The following ADGRL3 variants were observed in gnomAD, a reference collection of about 807,000 sequenced individuals.
ADGRL3 encodes the protein adhesion G protein-coupled receptor L3.
A neutral mutation model predicts 153.5 loss-of-function variants in ADGRL3; 62 were observed. The observed-to-expected ratio is 0.40, with a 90% CI of 0.33 to 0.50. The LOEUF (loss-of-function observed/expected upper bound fraction) is 0.50, where lower values mean the gene tolerates loss of function less well. Among genes scored for constraint, ADGRL3 ranks in the 20% least tolerant of loss-of-function variants. The pLI, the probability that ADGRL3 is intolerant of heterozygous loss-of-function variation, is 0.47. For missense variants in ADGRL3, 1,641 were observed against 1,859.4 expected (o/e 0.88, Z 2.16); for synonymous variants, 710 against 672.5 (o/e 1.06, Z -0.86).
chr4:61,995,096 G>A (rs1282934123), intron 19 of ADGRL3, among the ~76,000 whole-genome samples: 2 of 151,408 alleles, frequency 1.3e-5, no homozygotes, highest in Admixed American at 6.6e-5. Flanking sequence ...CAGACACAAG[G>A]TTTTGCCATG....
chr4:61,822,906 A>C (rs547542830), intron 9 of ADGRL3, among the ~76,000 whole-genome samples: 7 of 152,278 alleles, frequency 4.6e-5, no homozygotes, highest in African/African-American at 1.7e-4. Context: ...ATTCTTCTTC[A>C]GGTTTGATGT....
chr4:61,628,207 A>G (rs1471553932), intron 5 of ADGRL3, among the ~76,000 whole-genome samples: 1 of 152,188 alleles, frequency 6.6e-6, no homozygotes, highest in Admixed American at 6.5e-5. Flanking sequence ...AAAAAAACTG[A>G]CACAGAGAGG....
intron 2 of ADGRL3, among the ~76,000 whole-genome samples, chr4:61,457,606 C>G (rs1287627662): frequency 6.6e-6 from 1 of 151,828 alleles, no homozygotes; most frequent in Non-Finnish European, 1.5e-5. Context: ...TTTAATCCCT[C>G]CTGACTTGTT....
chr4:61,588,202 A>C (rs1193170786), intron 5 of ADGRL3, among the ~76,000 whole-genome samples: 2 of 151,864 alleles, frequency 1.3e-5, no homozygotes, highest in Non-Finnish European at 2.9e-5. Flanking sequence ...TCATTCCTTT[A>C]GTATAAGCCT....
chr4:61,456,369 ATATATC>A (rs1375825702), intron 2 of ADGRL3, among the ~76,000 whole-genome samples: 3 of 115,824 alleles, frequency 2.6e-5, no homozygotes, highest in South Asian at 2.7e-4. Flanking sequence ...AGAGATATAG[ATATATC>A]TATATATATA....
At chr4:61,342,408 G>T (rs946728251) in intron 1 of ADGRL3, among the ~76,000 whole-genome samples, 16 of 151,982 alleles carry the variant, frequency 1.1e-4, no homozygotes, top group African/African-American at 3.1e-4. Context: ...ACAACTTCAG[G>T]CTATTTCTCT....
At chr4:61,928,177 CAA>C (rs1331558813) in intron 13 of ADGRL3, among the ~76,000 whole-genome samples, 2 of 151,890 alleles carry the variant, frequency 1.3e-5, no homozygotes, top group Non-Finnish European at 2.9e-5. Context: ...GGCCGTTTTT[CAA>C]AAGAGTTTAA....
At position 61,251,482 on chromosome 4, in the gene ADGRL3, GT is replaced by G. The variant is rs1759243937; in HGVS notation, c.-240+49719del. ...GCATCACTTTTGCCACATTCTATTA[GT>G]TGAAGAATTCACAGGCCCTCCCAGA... On this transcript the variant is annotated intron_variant, in intron 1 of 26. Coordinates refer to ENST00000683033, the MANE Select transcript of ADGRL3 (RefSeq NM_001387552.1). 2.0e-5 allele frequency among the ~76,000 whole-genome samples: 3 copies of G among 152,190 alleles called. No individual in the cohort carries two copies. The South Asian group carries it at 6.2e-4, about 32-fold the overall frequency.
At chr4:61,560,651 TA>T (rs1257059376) in intron 4 of ADGRL3, among the ~76,000 whole-genome samples, 12 of 103,778 alleles carry the variant, frequency 1.2e-4, no homozygotes, top group South Asian at 3.1e-4. Flanking sequence ...GGTTTTTATT[TA>T]TTTATTTTTT....
intron 9 of ADGRL3, among the ~76,000 whole-genome samples, chr4:61,827,902 GA>G (rs35056143): frequency 0.56 from 84,703 of 151,722 alleles, 25,278 homozygotes; most frequent in African/African-American, 0.76. Context: ...TATAAAAGAT[GA>G]AAAAAAATAA....
At chr4:61,864,033 C>T (rs985228387) in intron 9 of ADGRL3, among the ~76,000 whole-genome samples, 5 of 152,252 alleles carry the variant, frequency 3.3e-5, no homozygotes, top group Admixed American at 2.6e-4. Context: ...TTTTACATGA[C>T]AGTAGCTAGG....
At chr4:62,020,036 T>C (rs2099230694) in intron 21 of ADGRL3, among the ~76,000 whole-genome samples, 1 of 152,120 alleles carries the variant, frequency 6.6e-6, no homozygotes, top group South Asian at 2.1e-4. Flanking sequence ...TGTTGGAATC[T>C]TTAGTTAGTA....
At chr4:61,747,592 A>C (rs1333268080) in intron 8 of ADGRL3, among the ~76,000 whole-genome samples, 1 of 146,446 alleles carries the variant, frequency 6.8e-6, no homozygotes, top group Non-Finnish European at 1.5e-5. Context: ...TATAAACAGA[A>C]CCAAAGACAA....
chr4:61,960,416 T>A lies in ADGRL3; in HGVS notation c.2805+12140T>A, dbSNP rs2098983281. 3.3e-5 allele frequency among the ~76,000 whole-genome samples: 5 copies of A among 152,022 alleles called. No homozygotes were observed. The South Asian group carries it at 8.3e-4, about 25-fold the overall frequency. On this transcript the variant is annotated intron_variant, in intron 17 of 26. Coordinates refer to ENST00000683033, the MANE Select transcript of ADGRL3 (RefSeq NM_001387552.1). ...AACAGTGTGGTTGGAGTGGAAAAAG[T>A]AAGAGAGAGTATGTTAGCAGAACAG...
In ADGRL3 at chr4:61,848,078, TTA is replaced by T. The variant is rs376943256; in HGVS notation, c.1480+34198_1480+34199del. Among the ~76,000 whole-genome samples, 17 of 20,618 alleles carry T rather than the reference TTA, an allele frequency of 8.2e-4. 1 individual carries two copies. Among genetic ancestry groups the T allele is most frequent in the Non-Finnish European group, 3.6e-3 (16 of 4,440 alleles). The allele number at this position is 20,618 out of a possible 152,430, so 13.5% of individuals were successfully genotyped here. A position where few individuals can be genotyped will look rare whatever the true frequency, so the allele number is the denominator to read the frequency against. On this transcript the variant is annotated intron_variant, in intron 9 of 26. Transcript: ENST00000683033. ...TATTATATATATAATATAAAATATA[TTA>T]TATATATAATATAAAATATATTATA... is the stretch of plus-strand genomic sequence containing the variant.
chr4:61,948,021 T>A, intron 16 of ADGRL3, 79 bp from the exon 17 acceptor site: 1 of 1,165,612 alleles, frequency 8.6e-7, no homozygotes, highest in Middle Eastern at 2.0e-4. Flanking sequence ...GAAGTTGTAT[T>A]ATATGTAAAG....
rs199694037 is a variant in ADGRL3, at chr4:61,418,807, TC to T, written c.-174+35620del. The stretch of plus-strand genomic sequence containing the variant: ...ATTAATTGTGTTAAATGTTCATGCT[TC>T]CATGAGGGCCATTTAAGAAGAGGTA... On this transcript the variant is annotated intron_variant, in intron 2 of 26. Transcript: ENST00000683033. Among the ~76,000 whole-genome samples, 1,148 of 150,812 alleles carry T rather than the reference TC, an allele frequency of 7.6e-3. 74 individuals are homozygous for T. Among genetic ancestry groups the T allele is most frequent in the African/African-American group, 0.027 (1,096 of 40,680 alleles).
intron 9 of ADGRL3, among the ~76,000 whole-genome samples, chr4:61,834,888 TG>T (rs2097914895): frequency 6.6e-6 from 1 of 152,190 alleles, no homozygotes; most frequent in African/African-American, 2.4e-5. Flanking sequence ...CAGCGCATTT[TG>T]TAATCAGCCC....
intron 1 of ADGRL3, among the ~76,000 whole-genome samples, chr4:61,240,273 G>A (rs1754409780): frequency 6.6e-6 from 1 of 152,132 alleles, no homozygotes; most frequent in Non-Finnish European, 1.5e-5. Flanking sequence ...CTGATCCCAT[G>A]TGTGAGGGCA....
Sources: allele counts gnomAD v4.1 joint callset (sites outside exome capture counted in the v4.1 genomes callset), GRCh38; gene constraint gnomAD v4.1.1; transcripts MANE v1.5; gene names NCBI Gene and HGNC (gene_info 2026-07-23, HGNC 2026-07-21).